Variants in CNTNAP2 observed in about 807,000 individuals in gnomAD.
The protein encoded by CNTNAP2 is contactin-associated protein-like 2.
In CNTNAP2, 98 loss-of-function variants were observed where a neutral mutation model predicts 155.2. That is an observed-to-expected ratio of 0.63 (90% CI 0.54 to 0.75). The LOEUF is 0.75. CNTNAP2 is among the 30% of genes least tolerant of loss of function. The pLI, the probability that CNTNAP2 is intolerant of heterozygous loss-of-function variation, is 0.00. For synonymous variants in CNTNAP2, 651 were observed against 631.2 expected (o/e 1.03, Z -0.47); for missense variants, 1,727 against 1,688.1 (o/e 1.02, Z -0.40).
chr7:147,853,479 C>CAAAT (rs151297562), intron 13 of CNTNAP2, among the ~76,000 whole-genome samples: 6,732 of 152,254 alleles, frequency 0.044, 266 homozygotes, highest in Admixed American at 0.12. Context: ...TTATCTCCTA[C>CAAAT]ACTAAGTAAA....
intron 1 of CNTNAP2, among the ~76,000 whole-genome samples, chr7:146,556,516 GT>G (rs1798200586): frequency 6.6e-6 from 1 of 152,038 alleles, no homozygotes; most frequent in Non-Finnish European, 1.5e-5. Context: ...TCTTCTCTTT[GT>G]TTTACTTTCT....
chr7:147,582,716 T>G lies in CNTNAP2; in HGVS notation c.1897+20459T>G, dbSNP rs114727811. 2.9e-3 allele frequency among the ~76,000 whole-genome samples: 445 copies of G among 152,290 alleles called. 3 individuals carry two copies. Among genetic ancestry groups the G allele is most frequent in the African/African-American group, 0.01 (428 of 41,586 alleles). Reference sequence around the variant, plus strand: ...ATTATTTCTAGCTTATCTTATTAATTGTGTCAGCTTCTTTTCCTATTTTTC... The same window carrying G: ...ATTATTTCTAGCTTATCTTATTAATGGTGTCAGCTTCTTTTCCTATTTTTC... On this transcript the variant is annotated intron_variant, in intron 12 of 23. Transcript: ENST00000361727.
At chr7:147,564,445 G>C (rs1410499399) in intron 12 of CNTNAP2, among the ~76,000 whole-genome samples, 1 of 151,832 alleles carries the variant, frequency 6.6e-6, no homozygotes, top group Non-Finnish European at 1.5e-5. Context: ...ATGATAACTT[G>C]ACTTAATTTA....
chr7:146,141,793 C>T (rs533344868), intron 1 of CNTNAP2, among the ~76,000 whole-genome samples: 33 of 152,146 alleles, frequency 2.2e-4, no homozygotes, highest in East Asian at 7.7e-4. Flanking sequence ...CTGTAAGACA[C>T]GCATCATTCC....
intron 1 of CNTNAP2, among the ~76,000 whole-genome samples, chr7:146,579,313 A>G (rs1798574029): frequency 6.6e-6 from 1 of 152,172 alleles, no homozygotes; most frequent in East Asian, 1.9e-4. Context: ...GAGGAAAGAT[A>G]TGATAGGATC....
intron 1 of CNTNAP2, among the ~76,000 whole-genome samples, chr7:146,698,255 C>A (rs1228633474): frequency 6.6e-6 from 1 of 151,922 alleles, no homozygotes; most frequent in Non-Finnish European, 1.5e-5. Flanking sequence ...TTCTTAAATA[C>A]TCTTTCTTTA....
chr7:146,474,210 AT>A lies in CNTNAP2; in HGVS notation c.98-300052del, dbSNP rs529362121. On this transcript the variant is annotated intron_variant, in intron 1 of 23. Transcript: ENST00000361727. ...ATTATTTCAGTTTCAAAGTGCATTT[AT>A]TTTTTTTTATTTTATTAACCTACTT... Among the ~76,000 whole-genome samples the A allele has an allele frequency of 2.6e-3, 384 of 150,116 alleles. 3 individuals carry two copies. The highest frequency in any genetic ancestry group is 7.1e-3 in the African/African-American group (292 of 41,096).
At chr7:146,770,058 T>C (rs1286064918) in intron 1 of CNTNAP2, among the ~76,000 whole-genome samples, 1 of 152,186 alleles carries the variant, frequency 6.6e-6, no homozygotes, top group African/African-American at 2.4e-5. Flanking sequence ...GAGCCAGGTC[T>C]AATGAGCAAC....
chr7:147,343,900 G>A (rs1307905200), intron 9 of CNTNAP2, among the ~76,000 whole-genome samples: 1 of 152,120 alleles, frequency 6.6e-6, no homozygotes, highest in Non-Finnish European at 1.5e-5. Context: ...CAGATTTAAA[G>A]ATCAAGACCA....
At chr7:146,430,460 G>A (rs983690899) in intron 1 of CNTNAP2, among the ~76,000 whole-genome samples, 17 of 151,774 alleles carry the variant, frequency 1.1e-4, no homozygotes, top group East Asian at 3.9e-4. Context: ...AGTCTTTATC[G>A]AATCTTTCAC....
intron 7 of CNTNAP2, among the ~76,000 whole-genome samples, chr7:147,129,067 G>A (rs894268462): frequency 6.6e-6 from 1 of 152,134 alleles, no homozygotes; most frequent in African/African-American, 2.4e-5. Flanking sequence ...TTCCCACGGA[G>A]CACAGAATGT....
intron 1 of CNTNAP2, among the ~76,000 whole-genome samples, chr7:146,224,904 G>A (rs961855050): frequency 7.2e-5 from 11 of 152,086 alleles, no homozygotes; most frequent in African/African-American, 2.7e-4. Context: ...GACTAGGCCT[G>A]TATAAAATAA....
chr7:147,417,135 T>C lies in CNTNAP2; in HGVS notation c.1670+21355T>C, dbSNP rs968239671. ...TCAATTTTATGCTGCATATTCATTA[T>C]CATCTTTGCCTTTTGACTGTATCAT... On this transcript the variant is annotated intron_variant, in intron 10 of 23. Coordinates refer to ENST00000361727, the MANE Select transcript of CNTNAP2 (RefSeq NM_014141.6). Among the ~76,000 whole-genome samples the C allele has an allele frequency of 3.9e-5, 6 of 152,040 alleles. No homozygotes were observed. The South Asian group carries it at 1.2e-3, about 32-fold the overall frequency.
intron 23 of CNTNAP2, chr7:148,414,997 C>G (rs1034729564): frequency 3.3e-6 from 1 of 307,352 alleles, no homozygotes; most frequent in Non-Finnish European, 6.2e-6. Context: ...CTCTATCTCC[C>G]CTCTCCATTC....
intron 21 of CNTNAP2, among the ~76,000 whole-genome samples, chr7:148,322,044 C>T (rs371641551): frequency 6.6e-6 from 1 of 151,936 alleles, no homozygotes; most frequent in African/African-American, 2.4e-5. Flanking sequence ...CTCCCCCACC[C>T]CAACTAGCTG....
intron 10 of CNTNAP2, among the ~76,000 whole-genome samples, chr7:147,484,937 A>G (rs1798485411): frequency 6.6e-6 from 1 of 152,222 alleles, no homozygotes; most frequent in South Asian, 2.1e-4. Flanking sequence ...ATCACAATGA[A>G]TACCTTTGTT....
intron 21 of CNTNAP2, among the ~76,000 whole-genome samples, chr7:148,352,234 G>C (rs1264435955): frequency 6.6e-6 from 1 of 152,130 alleles, no homozygotes; most frequent in Non-Finnish European, 1.5e-5. Flanking sequence ...AGTGGAGGAT[G>C]GATGAGTGGA....
rs55884389 is a variant in CNTNAP2 at position 148,044,205 on chromosome 7, ATTTT to A, written c.2383+66231_2383+66234del. Among the ~76,000 whole-genome samples, 346 of 137,804 alleles carry A rather than the reference ATTTT, an allele frequency of 2.5e-3. 2 individuals carry two copies. The East Asian group carries it at 0.03, about 12-fold the overall frequency. The allele number at this position is 137,804 out of a possible 152,430, so 90.4% of individuals were successfully genotyped here. On this transcript the variant is annotated intron_variant, in intron 15 of 23. Transcript: ENST00000361727. ...TGTTAATTATGTTACCTTAGGTTGT[ATTTT>A]TTTTTTTTTTTTTTCTAATTTAGTC... is the stretch of plus-strand genomic sequence containing the variant.
intron 12 of CNTNAP2, among the ~76,000 whole-genome samples, chr7:147,580,895 C>T (rs898069206): frequency 6.6e-6 from 1 of 152,188 alleles, no homozygotes; most frequent in Non-Finnish European, 1.5e-5. Flanking sequence ...GGATTACAGG[C>T]GTGAGCCAGT....
Sources: allele counts gnomAD v4.1 joint callset (sites outside exome capture counted in the v4.1 genomes callset), GRCh38; gene constraint gnomAD v4.1.1; transcripts MANE v1.5; gene names NCBI Gene and HGNC (gene_info 2026-07-23, HGNC 2026-07-21).